SCUBE1: variants seen among roughly 807,000 people sequenced by gnomAD.
SCUBE1 encodes the protein signal peptide, CUB and EGF-like domain-containing protein 1.
SCUBE1 carries 59 observed loss-of-function variants against 124.4 expected under a neutral mutation model. The ratio of observed to expected loss-of-function variants is 0.47; its 90% confidence interval spans 0.38 to 0.59. The LOEUF is 0.59. Among genes scored for constraint, SCUBE1 ranks in the 20% least tolerant of loss-of-function variants. The probability of loss-of-function intolerance (pLI) is 0.00; values close to 1 mark genes in which losing one functional copy is unlikely to be tolerated. For synonymous variants in SCUBE1, 545 were observed against 550.9 expected (o/e 0.99, Z 0.15); for missense variants, 1,150 against 1,371.2 (o/e 0.84, Z 2.55).
Position 43,212,591 on chromosome 22 carries a change from G to A in SCUBE1, c.2055C>T (p.Gly685=). Reference sequence around the variant, plus strand: ...CCGAGAAGAAGCCTGGAGAACACTGGCCTGAAAGTCAGAGGTCATGGCTCA... The same window carrying A: ...CCGAGAAGAAGCCTGGAGAACACTGACCTGAAAGTCAGAGGTCATGGCTCA... ...PGARNVSECG[G]QCSPGFFSAD... Residue 685 remains glycine (G), a splice_region_variant and synonymous_variant, in exon 17 of 22, where the codon GGC becomes GGT. Coordinates refer to ENST00000360835, the MANE Select transcript of SCUBE1 (RefSeq NM_173050.5). 1 of 1,563,358 alleles carries A rather than the reference G, an allele frequency of 6.4e-7. No homozygotes were observed. The highest frequency in any genetic ancestry group is 8.7e-7 in the Non-Finnish European group (1 of 1,155,362).
In SCUBE1 at chr22:43,208,058, A is replaced by C. The variant is rs745891917; in HGVS notation, c.2734+14T>G. 1 of 1,613,908 alleles carries C rather than the reference A, an allele frequency of 6.2e-7. No individual in the cohort carries two copies. Among genetic ancestry groups the C allele is most frequent in the Non-Finnish European group, 8.5e-7 (1 of 1,179,906 alleles). ...GAGCCGTGCACAGTGGGCCGTGAAG[A>C]CAGTGGATCTTACCATCGTAGGTGA... On this transcript the variant is annotated intron_variant, in intron 20 of 21. Transcript: ENST00000360835.
At chr22:43,242,548 C>T (rs532611812) in intron 6 of SCUBE1, among the ~76,000 whole-genome samples, 11 of 152,380 alleles carry the variant, frequency 7.2e-5, no homozygotes, top group Admixed American at 1.3e-4. Flanking sequence ...GGTCCCATCC[C>T]GGCCTCTGCC....
chr22:43,289,989 G>C (rs1446729717), intron 4 of SCUBE1, among the ~76,000 whole-genome samples: 1 of 152,180 alleles, frequency 6.6e-6, no homozygotes, highest in African/African-American at 2.4e-5. Context: ...CTTGTTAAGG[G>C]TCAGCAATGG....
intron 5 of SCUBE1, among the ~76,000 whole-genome samples, chr22:43,260,342 C>T (rs1448767154): frequency 6.6e-6 from 1 of 152,222 alleles, no homozygotes; most frequent in East Asian, 1.9e-4. Flanking sequence ...AGCTTGTACA[C>T]AGAGATGTCT....
At chr22:43,316,921 A>G (rs1482947856) in intron 3 of SCUBE1, 1 of 152,222 alleles carries the variant, frequency 6.6e-6, no homozygotes, top group African/African-American at 2.4e-5. Flanking sequence ...GTTGGACAAA[A>G]ACAGGCAGGC....
chr22:43,306,005 T>A (rs2146768919), intron 3 of SCUBE1, among the ~76,000 whole-genome samples: 1 of 152,302 alleles, frequency 6.6e-6, no homozygotes, highest in Non-Finnish European at 1.5e-5. Flanking sequence ...CAGGCCTGGC[T>A]AATGGCCACT....
Position 43,319,955 on chromosome 22 carries a change from C to T in SCUBE1, c.331G>A (p.Asp111Asn), listed in dbSNP as rs868665003. 8.1e-6 allele frequency: 13 copies of T among 1,614,020 alleles called. No individual in the cohort carries two copies. The highest frequency in any genetic ancestry group is 7.7e-5 in the South Asian group (7 of 91,080). ...TCFDGFMLAH[D>N]GHNCLDVDEC... is the part of the protein sequence containing the mutation. ...CACTCACCCAGGCAGTTGTGTCCAT[C>T]GTGTGCCAGCATGAAGCCATCAAAG... The change falls in exon 3 of 22, where the codon GAT becomes AAT. Residue 111 changes from aspartate to asparagine, a missense_variant. Coordinates refer to ENST00000360835, the MANE Select transcript of SCUBE1 (RefSeq NM_173050.5).
intron 6 of SCUBE1, among the ~76,000 whole-genome samples, chr22:43,249,238 A>G (rs1247530790): frequency 6.7e-6 from 1 of 149,320 alleles, no homozygotes; most frequent in Non-Finnish European, 1.5e-5. Context: ...GGACTGGGAC[A>G]TAGATTGGTG....
At chr22:43,332,321 C>A (rs2146797447) in intron 2 of SCUBE1, among the ~76,000 whole-genome samples, 1 of 152,258 alleles carries the variant, frequency 6.6e-6, no homozygotes, top group East Asian at 1.9e-4. Flanking sequence ...TAGCTCCCAA[C>A]ACAGCGAGGC....
chr22:43,244,397 G>A (rs920403916), intron 6 of SCUBE1, among the ~76,000 whole-genome samples: 3 of 152,330 alleles, frequency 2.0e-5, no homozygotes, highest in Middle Eastern at 3.4e-3. Context: ...TGACCAGCAC[G>A]GCGGAGGTGT....
chr22:43,199,975 T>C lies in SCUBE1; in HGVS notation c.*4022A>G, dbSNP rs1920978416. ...CTGCTGCAGGTTCCTTCCCTTCCCGTGGCTTGTTTCTGGAAAGTAGAAATA... is the reference window on the plus strand; with the variant it reads ...CTGCTGCAGGTTCCTTCCCTTCCCGCGGCTTGTTTCTGGAAAGTAGAAATA... On this transcript the variant is annotated 3_prime_UTR_variant, in exon 22 of 22. Transcript: ENST00000360835. 1 of 152,272 alleles carries C rather than the reference T, an allele frequency of 6.6e-6. No individual in the cohort carries two copies. The highest frequency in any genetic ancestry group is 2.4e-5 in the African/African-American group (1 of 41,450). The allele number at this position is 152,272 out of a possible 1,614,324, so 9.4% of individuals were successfully genotyped here.
chr22:43,312,287 G>A (rs1261728115), intron 3 of SCUBE1, among the ~76,000 whole-genome samples: 2 of 152,240 alleles, frequency 1.3e-5, no homozygotes, highest in East Asian at 3.8e-4. Context: ...ACACAGAGCT[G>A]CAGTGGAGAT....
At position 43,210,305 on chromosome 22, in the gene SCUBE1, C is replaced by T; in HGVS notation, c.2384-65G>A. The stretch of plus-strand genomic sequence containing the variant: ...TGGGCAGGGGCCCTGGCCGGCCAGG[C>T]CTCTAACCACCTGGGAGGCCTAGGG... On this transcript the variant is annotated intron_variant, in intron 18 of 21. Transcript: ENST00000360835. This position sits in a 1 kb window ranked among gnomAD's most constrained non-coding sequence, Gnocchi z 4.5. 1 of 1,384,530 alleles carries T rather than the reference C, an allele frequency of 7.2e-7. No individual in the cohort carries two copies. The highest frequency in any genetic ancestry group is 9.6e-7 in the Non-Finnish European group (1 of 1,046,696). The allele number at this position is 1,384,530 out of a possible 1,614,324, so 85.8% of individuals were successfully genotyped here. A position where few individuals can be genotyped will look rare whatever the true frequency, so the allele number is the denominator to read the frequency against.
intron 2 of SCUBE1, among the ~76,000 whole-genome samples, chr22:43,322,291 A>T (rs918953301): frequency 5.3e-5 from 8 of 152,118 alleles, no homozygotes; most frequent in Non-Finnish European, 7.4e-5. Context: ...CATAGATTTT[A>T]AAAAACTGAG....
At chr22:43,260,548 A>T (rs1166483574) in intron 5 of SCUBE1, among the ~76,000 whole-genome samples, 1 of 152,222 alleles carries the variant, frequency 6.6e-6, no homozygotes, top group Non-Finnish European at 1.5e-5. Flanking sequence ...CCTGGAATGC[A>T]AGTGACTTCA....
intron 19 of SCUBE1, 111 bp from the exon 20 acceptor site, chr22:43,208,335 C>T: frequency 1.0e-6 from 1 of 964,964 alleles, no homozygotes; most frequent in Non-Finnish European, 1.6e-6. Context: ...AACGCCTGGT[C>T]CCCCAAACAC....
intron 3 of SCUBE1, among the ~76,000 whole-genome samples, chr22:43,296,243 A>G (rs1470182337): frequency 1.3e-5 from 2 of 152,262 alleles, no homozygotes; most frequent in Non-Finnish European, 2.9e-5. Context: ...CAGTCCCTGC[A>G]GAAAACATTT....
chr22:43,204,959 GATTTT>G (rs1921162387), intron 21 of SCUBE1, among the ~76,000 whole-genome samples: 2 of 144,560 alleles, frequency 1.4e-5, no homozygotes, highest in Admixed American at 1.4e-4. Context: ...AAAAAAAAAA[GATTTT>G]ATTAACAAAG....
In SCUBE1 at chr22:43,198,909, G is replaced by T. The variant is rs1403222973; in HGVS notation, c.*5088C>A. ...TGCTGTCTGCTTTCCGGGGCAGTTT[G>T]TCTGTCTGCTGTCTGGGGCAGTTTG... On this transcript the variant is annotated 3_prime_UTR_variant, in exon 22 of 22. Coordinates refer to ENST00000360835, the MANE Select transcript of SCUBE1 (RefSeq NM_173050.5). 2.7e-6 allele frequency: 1 copy of T among 375,356 alleles called. No individual in the cohort carries two copies. The highest frequency in any genetic ancestry group is 5.3e-6 in the Non-Finnish European group (1 of 190,220). The allele number at this position is 375,356 out of a possible 1,614,324, so 23.3% of individuals were successfully genotyped here. A position where few individuals can be genotyped will look rare whatever the true frequency, so the allele number is the denominator to read the frequency against.
Sources: allele counts gnomAD v4.1 joint callset (sites outside exome capture counted in the v4.1 genomes callset), GRCh38; gene constraint gnomAD v4.1.1; non-coding constraint Gnocchi (gnomAD v3.1); transcripts MANE v1.5; gene names NCBI Gene and HGNC (gene_info 2026-07-23, HGNC 2026-07-21).